PTGER3: variants seen among roughly 807,000 people sequenced by gnomAD.
The protein encoded by PTGER3 is prostaglandin E receptor 3.
Under a neutral mutation model 34.7 loss-of-function variants are expected in PTGER3, and 22 were observed. The ratio of observed to expected loss-of-function variants is 0.63; its 90% confidence interval spans 0.45 to 0.91. The LOEUF is 0.91. Among genes scored for constraint, PTGER3 ranks in the 40% least tolerant of loss-of-function variants. The pLI, the probability that PTGER3 is intolerant of heterozygous loss-of-function variation, is 0.00. For missense variants in PTGER3, 468 were observed against 519.4 expected, an observed-to-expected ratio of 0.90 and a Z score of 0.96; for synonymous variants, 241 against 230.1, an observed-to-expected ratio of 1.05 and a Z score of -0.43.
intron 4 of PTGER3, among the ~76,000 whole-genome samples, chr1:70,861,301 A>C (rs1367108797): frequency 6.6e-6 from 1 of 152,196 alleles, no homozygotes; most frequent in East Asian, 1.9e-4. Context: ...CTCATTTCTA[A>C]TTTTACTTAA....
intron 2 of PTGER3, among the ~76,000 whole-genome samples, chr1:70,998,895 C>T (rs954046622): frequency 1.3e-5 from 2 of 152,062 alleles, no homozygotes; most frequent in Non-Finnish European, 2.9e-5. Context: ...TAAAATCTGG[C>T]GTGTGGCTGG....
chr1:70,907,444 GA>G (rs1190743985), intron 4 of PTGER3, among the ~76,000 whole-genome samples: 21 of 152,360 alleles, frequency 1.4e-4, no homozygotes, highest in African/African-American at 5.0e-4. Flanking sequence ...GCGAAAGCCA[GA>G]AGCCTTCAAA....
chr1:70,947,319 T>C (rs1439610729), intron 4 of PTGER3: 1 of 152,106 alleles, frequency 6.6e-6, no homozygotes, highest in East Asian at 1.9e-4. Context: ...GTCTTTCCCA[T>C]GCTAGTCTCA....
chr1:70,920,297 TGTG>T (rs1429328923), intron 4 of PTGER3, among the ~76,000 whole-genome samples: 2 of 152,184 alleles, frequency 1.3e-5, no homozygotes, highest in African/African-American at 4.8e-5. Flanking sequence ...CTTCCAGACT[TGTG>T]GTTACTTTCT....
chr1:71,047,729 G>C lies in PTGER3; in HGVS notation c.-152C>G. On this transcript the variant is annotated 5_prime_UTR_variant, in exon 1 of 4. Coordinates refer to ENST00000306666, the MANE Select transcript of PTGER3 (RefSeq NM_198719.2). ...GGCGCAGCCGCCGCCCTACTCCGCTGCTGGGACCGCGGCCGCGGCGGCGCC... is the reference window on the plus strand; with the variant it reads ...GGCGCAGCCGCCGCCCTACTCCGCTCCTGGGACCGCGGCCGCGGCGGCGCC... 1.3e-6 allele frequency: 1 copy of C among 793,026 alleles called. No homozygotes were observed. The highest frequency in any genetic ancestry group is 6.0e-5 in the South Asian group (1 of 16,538). 49.1% of individuals were successfully genotyped at this position (793,026 alleles called of 1,614,324 possible).
chr1:70,918,392 A>C (rs973008070), intron 4 of PTGER3, among the ~76,000 whole-genome samples: 1 of 152,080 alleles, frequency 6.6e-6, no homozygotes, highest in African/African-American at 2.4e-5. Flanking sequence ...CAAAATAAAA[A>C]ATACACAAAT....
intron 4 of PTGER3, among the ~76,000 whole-genome samples, chr1:70,916,944 G>T (rs551828123): frequency 1.3e-5 from 2 of 151,978 alleles, no homozygotes; most frequent in East Asian, 3.9e-4. Flanking sequence ...ACAATATGAT[G>T]TTTCAACACA....
At chr1:71,005,692 C>A (rs1055258514) in intron 2 of PTGER3, among the ~76,000 whole-genome samples, 2 of 152,108 alleles carry the variant, frequency 1.3e-5, no homozygotes, top group African/African-American at 4.8e-5. Flanking sequence ...AACATCCATC[C>A]AGAATGGATT....
At chr1:70,938,989 C>T (rs1036705544) in intron 4 of PTGER3, among the ~76,000 whole-genome samples, 103 of 152,112 alleles carry the variant, frequency 6.8e-4, no homozygotes, top group African/African-American at 2.4e-3. Context: ...CAAAAGTCCA[C>T]AATTGAAAGT....
At chr1:71,038,218 AAGAG>A (rs1660001230) in intron 1 of PTGER3, among the ~76,000 whole-genome samples, 1 of 152,240 alleles carries the variant, frequency 6.6e-6, no homozygotes, top group Non-Finnish European at 1.5e-5. Flanking sequence ...TGTGTTCAGA[AAGAG>A]AGACAAAAAG....
At chr1:70,941,610 C>T (rs1367376277) in intron 4 of PTGER3, among the ~76,000 whole-genome samples, 1 of 152,176 alleles carries the variant, frequency 6.6e-6, no homozygotes. Flanking sequence ...CCCTCTCCTC[C>T]TCATTTAATG....
At chr1:70,905,513 CACAGAG>C (rs1490214826) in intron 4 of PTGER3, among the ~76,000 whole-genome samples, 3 of 152,198 alleles carry the variant, frequency 2.0e-5, no homozygotes, top group Non-Finnish European at 4.4e-5. Context: ...CCCCTTGCAT[CACAGAG>C]ACCTGAATGT....
intron 4 of PTGER3, chr1:70,862,386 T>G (rs776456809): frequency 1.5e-6 from 2 of 1,366,366 alleles, no homozygotes; most frequent in East Asian, 4.5e-5. Context: ...AGCTGGACAC[T>G]GCAGGGTTCT....
chr1:70,967,720 C>A (rs1176667568), downstream of PTGER3, among the ~76,000 whole-genome samples: 1 of 152,098 alleles, frequency 6.6e-6, no homozygotes, highest in Non-Finnish European at 1.5e-5. Context: ...TTGAAATGTG[C>A]TTCCAATTAC....
intron 1 of PTGER3, among the ~76,000 whole-genome samples, chr1:71,026,343 G>A (rs976026543): frequency 6.6e-6 from 1 of 152,114 alleles, no homozygotes; most frequent in African/African-American, 2.4e-5. Context: ...CAACACATAG[G>A]TGGCAGCTGA....
At chr1:71,046,553 G>T (rs1271050062) in intron 1 of PTGER3, 128 bp downstream of exon 1, 1 of 1,175,474 alleles carries the variant, frequency 8.5e-7, no homozygotes, top group East Asian at 2.7e-5. Context: ...GCGCGGGCAG[G>T]AGGAAAGGAC....
In PTGER3 at chr1:70,970,783, C is replaced by G; in HGVS notation, c.*947G>C. 1 of 720,416 alleles carries G rather than the reference C, an allele frequency of 1.4e-6. No homozygotes were observed. Among genetic ancestry groups the G allele is most frequent in the Non-Finnish European group, 1.7e-6 (1 of 588,266 alleles). 44.6% of individuals were successfully genotyped at this position (720,416 alleles called of 1,614,324 possible). A position where few individuals can be genotyped will look rare whatever the true frequency, so the allele number is the denominator to read the frequency against. On this transcript the variant is annotated 3_prime_UTR_variant, in exon 4 of 4. Transcript: ENST00000306666. The stretch of plus-strand genomic sequence containing the variant: ...AAACTATTAGATGACTCAAGTATAT[C>G]TTTTAGAAGTCCACAAAGTTTTTTA...
chr1:70,951,204 A>AT (rs1016780074), downstream of PTGER3: 1 of 152,066 alleles, frequency 6.6e-6, no homozygotes, highest in African/African-American at 2.4e-5. Context: ...TTGCATCTTC[A>AT]TTTTCCACCC....
chr1:70,980,267 C>T (rs958262445), intron 2 of PTGER3, among the ~76,000 whole-genome samples: 1 of 151,964 alleles, frequency 6.6e-6, no homozygotes, highest in Non-Finnish European at 1.5e-5. Flanking sequence ...GTGGGGACTT[C>T]GACATAGTTT....
Sources: allele counts gnomAD v4.1 joint callset (sites outside exome capture counted in the v4.1 genomes callset), GRCh38; gene constraint gnomAD v4.1.1; transcripts MANE v1.5; gene names NCBI Gene and HGNC (gene_info 2026-07-23, HGNC 2026-07-21).